P2RY12: variants seen among roughly 807,000 people sequenced by gnomAD.
The protein encoded by P2RY12 is P2Y purinoceptor 12.
P2RY12 carries 3 observed loss-of-function variants against 4.5 expected under a neutral mutation model. The observed-to-expected ratio is 0.67, with a 90% CI of 0.31 to 1.74. P2RY12 has a LOEUF of 1.74. Ranked by LOEUF, P2RY12 falls within the 40% of genes most tolerant of loss-of-function variation. The pLI, the probability that P2RY12 is intolerant of heterozygous loss-of-function variation, is 0.09. For synonymous variants in P2RY12, 148 were observed against 154.1 expected, an observed-to-expected ratio of 0.96 and a Z score of 0.29; for missense variants, 356 against 407.8, an observed-to-expected ratio of 0.87 and a Z score of 1.09.
chr3:151,353,223 A>G (rs932312942), intron 1 of P2RY12, among the ~76,000 whole-genome samples: 3 of 152,196 alleles, frequency 2.0e-5, no homozygotes, highest in African/African-American at 7.2e-5. Context: ...GAATCAATGC[A>G]TTAATTTCAC....
chr3:151,380,137 C>A (rs764494396), intron 1 of P2RY12: 1 of 1,603,734 alleles, frequency 6.2e-7, no homozygotes, highest in South Asian at 1.1e-5. Flanking sequence ...GTCAACAACC[C>A]TTCCTCTCAC....
At chr3:151,377,630 G>A (rs564161061) in intron 1 of P2RY12, among the ~76,000 whole-genome samples, 3 of 152,220 alleles carry the variant, frequency 2.0e-5, no homozygotes, top group African/African-American at 2.4e-5. Flanking sequence ...TATAACTAGC[G>A]AATTTTAAAC....
At chr3:151,377,860 G>A (rs182072087) in intron 1 of P2RY12, 210 of 665,602 alleles carry the variant, frequency 3.2e-4, no homozygotes, top group African/African-American at 1.9e-3. Flanking sequence ...TCTAGTGTTC[G>A]GAAAAAGGAA....
At chr3:151,382,051 T>A (rs150268869) in intron 1 of P2RY12, among the ~76,000 whole-genome samples, 10 of 152,208 alleles carry the variant, frequency 6.6e-5, no homozygotes, top group Non-Finnish European at 1.3e-4. Context: ...TGTGGCTCCC[T>A]TTCCTAAGCA....
intron 1 of P2RY12, chr3:151,376,165 G>A: frequency 6.2e-7 from 1 of 1,607,402 alleles, no homozygotes. Flanking sequence ...ATTAAAGAAT[G>A]TACCGAGGGG....
At chr3:151,377,640 C>T (rs1420598305) in intron 1 of P2RY12, among the ~76,000 whole-genome samples, 1 of 152,000 alleles carries the variant, frequency 6.6e-6, no homozygotes, top group East Asian at 1.9e-4. Flanking sequence ...GAATTTTAAA[C>T]CTTAAAAATT....
intron 1 of P2RY12, among the ~76,000 whole-genome samples, chr3:151,367,438 A>G (rs1319578856): frequency 1.3e-5 from 2 of 152,212 alleles, no homozygotes; most frequent in African/African-American, 4.8e-5. Flanking sequence ...TTCTTACAGC[A>G]TTGGAATGTG....
intron 1 of P2RY12, chr3:151,357,274 G>C (rs776986697): frequency 6.2e-7 from 1 of 1,613,752 alleles, no homozygotes; most frequent in Non-Finnish European, 8.5e-7. Context: ...AGCCTGGCAG[G>C]AAGTTATACA....
chr3:151,375,885 A>G (rs969260359), intron 1 of P2RY12: 1 of 479,140 alleles, frequency 2.1e-6, no homozygotes, highest in Non-Finnish European at 3.3e-6. Flanking sequence ...AAATTTTTCT[A>G]CCTACTTTTT....
rs947116652 is a variant in P2RY12, at chr3:151,338,542, C to T, written c.304G>A (p.Val102Ile). 1.4e-5 allele frequency: 22 copies of T among 1,613,674 alleles called. No homozygotes were observed. The highest frequency in any genetic ancestry group is 2.2e-5 in the East Asian group (1 of 44,874). The stretch of plus-strand genomic sequence containing the variant: ...ATATACATTGTGAAATAAAATATGA[C>T]GGAGGTAACTTGACACACAAAAGTT... ...LRTFVCQVTSVIFYFTMYISI... is the reference protein window; with the variant it reads ...LRTFVCQVTSIIFYFTMYISI... Residue 102 changes from valine (V) to isoleucine (I), a missense_variant, in exon 3 of 3, where the codon GTC (valine) becomes ATC (isoleucine). By Grantham distance (29) the Val-to-Ile change is conservative (BLOSUM62 3). Transcript: ENST00000302632.
chr3:151,368,662 T>TCATG (rs1560087230), intron 1 of P2RY12, among the ~76,000 whole-genome samples: 2 of 52,378 alleles, frequency 3.8e-5, no homozygotes, highest in East Asian at 9.0e-4. Context: ...TTCATTTCAT[T>TCATG]TCATTTCATT....
At chr3:151,376,856 A>C in intron 1 of P2RY12, 2 of 1,614,070 alleles carry the variant, frequency 1.2e-6, no homozygotes, top group Non-Finnish European at 1.7e-6. Context: ...TAATGATCAA[A>C]CAGTGCTTGA....
At chr3:151,356,470 A>G (rs1753935935) in intron 1 of P2RY12, among the ~76,000 whole-genome samples, 1 of 152,222 alleles carries the variant, frequency 6.6e-6, no homozygotes, top group South Asian at 2.1e-4. Context: ...TTTTAGGGAC[A>G]TAGTACAATT....
At chr3:151,367,726 C>G in intron 1 of P2RY12, 1 of 1,611,406 alleles carries the variant, frequency 6.2e-7, no homozygotes, top group Non-Finnish European at 8.5e-7. Flanking sequence ...CCCTGGAGGA[C>G]GTCGTGCAGC....
At chr3:151,339,642 TA>T (rs546314914) in intron 2 of P2RY12, among the ~76,000 whole-genome samples, 44 of 145,360 alleles carry the variant, frequency 3.0e-4, no homozygotes, top group East Asian at 4.0e-4. Context: ...TTTAAAACAG[TA>T]AAAAAAAAAA....
intron 1 of P2RY12, chr3:151,350,195 C>T: frequency 6.2e-7 from 1 of 1,613,638 alleles, no homozygotes; most frequent in African/African-American, 1.3e-5. Context: ...AAGAGCACCA[C>T]AGAGACAGGG....
At chr3:151,362,031 A>G (rs569528591) in intron 1 of P2RY12, among the ~76,000 whole-genome samples, 48 of 152,138 alleles carry the variant, frequency 3.2e-4, no homozygotes, top group African/African-American at 1.1e-3. Flanking sequence ...AGGATGTTCA[A>G]CTACCATTTT....
At chr3:151,361,522 A>C (rs1011328710) in intron 1 of P2RY12, among the ~76,000 whole-genome samples, 3 of 152,154 alleles carry the variant, frequency 2.0e-5, no homozygotes, top group Admixed American at 1.3e-4. Flanking sequence ...ATGACCTGAT[A>C]ATGATAGTAG....
intron 1 of P2RY12, among the ~76,000 whole-genome samples, chr3:151,381,808 AT>A (rs1712401915): frequency 6.6e-6 from 1 of 152,076 alleles, no homozygotes; most frequent in Non-Finnish European, 1.5e-5. Flanking sequence ...GGAGGGGTTC[AT>A]TTCTTCTGAT....
Sources: allele counts gnomAD v4.1 joint callset (sites outside exome capture counted in the v4.1 genomes callset), GRCh38; gene constraint gnomAD v4.1.1; transcripts MANE v1.5; gene names NCBI Gene and HGNC (gene_info 2026-07-23, HGNC 2026-07-21).